NBPF3: variants seen among roughly 807,000 people sequenced by gnomAD.
NBPF3 encodes the protein NBPF member 3.
In NBPF3, 57 loss-of-function variants were observed where a neutral mutation model predicts 78.1. That is an observed-to-expected ratio of 0.73 (90% CI 0.59 to 0.91). The LOEUF is 0.91. NBPF3 is among the 40% of genes least tolerant of loss of function. NBPF3 has a pLI of 0.00. For missense variants in NBPF3, 510 were observed against 715.3 expected, an observed-to-expected ratio of 0.71 and a Z score of 3.27; for synonymous variants, 182 against 271.7, an observed-to-expected ratio of 0.67 and a Z score of 3.25.
intron 2 of NBPF3, chr1:21,466,130 G>A (rs1187781040): frequency 6.1e-6 from 6 of 985,324 alleles, no homozygotes; most frequent in African/African-American, 3.5e-5. Flanking sequence ...ATCGGACAGT[G>A]CATGGAGATG....
In NBPF3 at chr1:21,471,777, A is replaced by T. The variant is rs757143666; in HGVS notation, c.655A>T (p.Ser219Cys). ...RLAQHLVQKL[S>C]PENDDDEDED... Reference sequence around the variant, plus strand: ...GGCACAGCACCTCGTCCAAAAGCTCAGCCCAGGTGAGGTGGCCATAGGCCC... The same window carrying T: ...GGCACAGCACCTCGTCCAAAAGCTCTGCCCAGGTGAGGTGGCCATAGGCCC... The change falls in exon 5 of 15, where the codon AGC becomes TGC. Residue 219 changes from serine to cysteine, a missense_variant. This residue lies in a region of NBPF3 where 440 missense variants were observed against 478.2 expected (regional missense o/e 0.92). Coordinates refer to ENST00000318249, the MANE Select transcript of NBPF3 (RefSeq NM_032264.6). 1.2e-5 allele frequency: 20 copies of T among 1,612,544 alleles called. No homozygotes were observed. Among genetic ancestry groups the T allele is most frequent in the Middle Eastern group, 1.9e-4 (1 of 5,350 alleles).
intron 1 of NBPF3, among the ~76,000 whole-genome samples, chr1:21,440,603 G>A (rs4654745): frequency 6.6e-6 from 1 of 151,916 alleles, no homozygotes; most frequent in Non-Finnish European, 1.5e-5. Context: ...GGCATCCCAG[G>A]GGGTGGAGGG....
intron 8 of NBPF3, chr1:21,477,936 A>G (rs1642970568): frequency 1.0e-6 from 1 of 997,502 alleles, no homozygotes; most frequent in Non-Finnish European, 1.5e-6. Context: ...AAATGTACTG[A>G]GCACGTGCTG....
intron 2 of NBPF3, among the ~76,000 whole-genome samples, chr1:21,450,517 C>T (rs1641249728): frequency 6.6e-6 from 1 of 152,188 alleles, no homozygotes. Context: ...GCTGTCTCAT[C>T]ACCTTAACAG....
chr1:21,474,355 C>G (rs1287793943), intron 7 of NBPF3, among the ~76,000 whole-genome samples: 2 of 152,196 alleles, frequency 1.3e-5, no homozygotes, highest in Admixed American at 6.5e-5. Flanking sequence ...AGGTGCTCAG[C>G]ACCACATCTG....
At chr1:21,437,463 C>T, upstream of NBPF3, 3 of 1,442,590 alleles carry the variant, frequency 2.1e-6, no homozygotes, top group Non-Finnish European at 2.8e-6. Context: ...ACCGAGGGCA[C>T]CATGCAGGTC....
intron 2 of NBPF3, among the ~76,000 whole-genome samples, chr1:21,451,578 T>C (rs1641313308): frequency 6.6e-6 from 1 of 152,192 alleles, no homozygotes; most frequent in Admixed American, 6.5e-5. Context: ...ACCACCACCA[T>C]GAAGTTGGGA....
chr1:21,449,305 T>G (rs1233307795), intron 2 of NBPF3, among the ~76,000 whole-genome samples: 1 of 145,582 alleles, frequency 6.9e-6, no homozygotes, highest in Non-Finnish European at 1.6e-5. Flanking sequence ...TGTTTATGGC[T>G]CTCCTTGAAA....
At chr1:21,472,948 T>G in intron 6 of NBPF3, 33 bp downstream of exon 6, 1 of 1,494,690 alleles carries the variant, frequency 6.7e-7, no homozygotes, top group Non-Finnish European at 9.3e-7. Context: ...AAGTAATGGG[T>G]GGTAACATAT....
chr1:21,462,644 A>G (rs1160823041), intron 2 of NBPF3, among the ~76,000 whole-genome samples: 1 of 152,242 alleles, frequency 6.6e-6, no homozygotes, highest in East Asian at 1.9e-4. Flanking sequence ...TTCAAGTGAC[A>G]CACTGTTTCC....
chr1:21,466,087 G>A, intron 2 of NBPF3: 2 of 985,536 alleles, frequency 2.0e-6, no homozygotes, highest in African/African-American at 3.5e-5. Context: ...CCCTTTTCAG[G>A]GAGCCTTGGG....
At chr1:21,441,630 C>T (rs1431791171) in intron 1 of NBPF3, among the ~76,000 whole-genome samples, 1 of 151,134 alleles carries the variant, frequency 6.6e-6, no homozygotes, top group East Asian at 1.9e-4. Flanking sequence ...TCACCAGAGC[C>T]CGGAAGGTTG....
chr1:21,439,038 T>A (rs114927899), upstream of NBPF3, among the ~76,000 whole-genome samples: 30 of 152,192 alleles, frequency 2.0e-4, no homozygotes, highest in African/African-American at 7.0e-4. Context: ...GGATTGAACT[T>A]CTGTGTGAGC....
chr1:21,464,779 G>A (rs1370220060), intron 2 of NBPF3, among the ~76,000 whole-genome samples: 3 of 151,952 alleles, frequency 2.0e-5, no homozygotes, highest in African/African-American at 7.3e-5. Flanking sequence ...AGAACTAGGT[G>A]GAAGGATCGC....
At chr1:21,457,167 C>CGTGTGTGTGTGTGT (rs56310866) in intron 2 of NBPF3, among the ~76,000 whole-genome samples, 15 of 149,788 alleles carry the variant, frequency 1.0e-4, no homozygotes, top group African/African-American at 1.7e-4. Context: ...TGGTGGCTCA[C>CGTGTGTGTGTGTGT]GTGTGTGTGT....
chr1:21,472,721 A>G (rs1642664995), intron 5 of NBPF3, 122 bp from the exon 6 acceptor site: 4 of 786,860 alleles, frequency 5.1e-6, no homozygotes, highest in African/African-American at 1.7e-5. Context: ...ACGATAAAAC[A>G]TGAGAGCTTT....
chr1:21,473,639 C>A, intron 7 of NBPF3, 54 bp downstream of exon 7: 3 of 1,445,258 alleles, frequency 2.1e-6, no homozygotes, highest in Non-Finnish European at 2.9e-6. Context: ...GGAATATAAA[C>A]TCTGAAGACA....
intron 2 of NBPF3, among the ~76,000 whole-genome samples, chr1:21,450,980 G>A (rs1641274141): frequency 6.6e-6 from 1 of 152,268 alleles, no homozygotes; most frequent in African/African-American, 2.4e-5. Flanking sequence ...TCCAGCAGAA[G>A]TTTCTTAATT....
chr1:21,451,209 T>A (rs1286226718), intron 2 of NBPF3, among the ~76,000 whole-genome samples: 1 of 152,270 alleles, frequency 6.6e-6, no homozygotes. Flanking sequence ...TATCACAGTT[T>A]ATTGGTCCAT....
Sources: allele counts gnomAD v4.1 joint callset (sites outside exome capture counted in the v4.1 genomes callset), GRCh38; gene constraint gnomAD v4.1.1; regional missense constraint gnomAD v4.1.1; transcripts MANE v1.5; gene names NCBI Gene and HGNC (gene_info 2026-07-23, HGNC 2026-07-21).